Variants in ATP9B observed in about 807,000 individuals in gnomAD.
ATP9B encodes the protein probable phospholipid-transporting ATPase IIB.
A neutral mutation model predicts 146.1 loss-of-function variants in ATP9B; 110 were observed. That is an observed-to-expected ratio of 0.75 (90% CI 0.65 to 0.88). The LOEUF is 0.88. Among genes scored for constraint, ATP9B ranks in the 40% least tolerant of loss-of-function variants. The pLI is 0.00. For synonymous variants in ATP9B, 604 were observed against 569.7 expected, an observed-to-expected ratio of 1.06 and a Z score of -0.86; for missense variants, 1,499 against 1,496.4, an observed-to-expected ratio of 1.00 and a Z score of -0.03.
In ATP9B at chr18:79,113,270, G is replaced by T; in HGVS notation, c.474G>T (p.Leu158Phe). The T allele has an allele frequency of 6.3e-7, 1 of 1,592,732 alleles. No individual in the cohort carries two copies. The highest frequency in any genetic ancestry group is 8.6e-7 in the Non-Finnish European group (1 of 1,165,500). Residue 158 changes from leucine (L) to phenylalanine (F), a missense_variant, in exon 4 of 30, where the codon TTG becomes TTT. Leu to Phe is a conservative substitution (Grantham distance 22). Transcript: ENST00000426216. Reference sequence around the variant, plus strand: ...TGTATGAACAATTCAAGTTTTTCTTGAATCTCTATTTTCTAGTAATATCCT... The same window carrying T: ...TGTATGAACAATTCAAGTTTTTCTTTAATCTCTATTTTCTAGTAATATCCT... ...GVLYEQFKFF[L>F]NLYFLVISCS...
At chr18:79,221,273 G>A (rs2095674203) in intron 11 of ATP9B, among the ~76,000 whole-genome samples, 1 of 152,094 alleles carries the variant, frequency 6.6e-6, no homozygotes, top group South Asian at 2.1e-4. Context: ...CCCACCAGAG[G>A]CTTCATGTCC....
chr18:79,123,760 C>T (rs2094230596), intron 4 of ATP9B, among the ~76,000 whole-genome samples: 1 of 151,998 alleles, frequency 6.6e-6, no homozygotes, highest in African/African-American at 2.4e-5. Flanking sequence ...AGAAATAAAC[C>T]TTTAAATTTA....
At chr18:79,250,435 G>A (rs1330964916) in intron 11 of ATP9B, among the ~76,000 whole-genome samples, 1 of 152,130 alleles carries the variant, frequency 6.6e-6, no homozygotes, top group Non-Finnish European at 1.5e-5. Flanking sequence ...TTTAGGTTGA[G>A]GTAATTGAGT....
At position 79,336,709 on chromosome 18, in the gene ATP9B, G is replaced by T. The variant is rs2096829112; in HGVS notation, c.2110G>T (p.Glu704Ter). The change falls in exon 18 of 30, where the codon GAG becomes TAG. Residue 704 changes from glutamate to a stop codon, truncating the protein, a stop_gained and splice_region_variant. Coordinates refer to ENST00000426216, the MANE Select transcript of ATP9B (RefSeq NM_198531.5). LOFTEE classifies it high-confidence loss of function. ...GACAGAGGAGCAGTACCAGGACTTT[G>T]AGGTGAGCCGACTCCCAGCCATCCC... is the stretch of plus-strand genomic sequence containing the variant. ...ALTEEQYQDF[E>*]SRYTQAKLSM... 3.7e-6 allele frequency: 6 copies of T among 1,613,796 alleles called. No individual in the cohort carries two copies.
intron 14 of ATP9B, among the ~76,000 whole-genome samples, chr18:79,305,687 A>AT (rs1568628660): frequency 6.6e-6 from 1 of 152,372 alleles, no homozygotes; most frequent in East Asian, 1.9e-4. Context: ...ATGAAGCATC[A>AT]TTATATAAAC....
Position 79,329,183 on chromosome 18 carries a change from G to T in ATP9B, c.1816G>T (p.Val606Phe), listed in dbSNP as rs1353351882. ...GACAGAGAGTGTGGGCCTCACGCTG[G>T]TCAGCAGGGACCTCACCTCCATGCA... Reference protein sequence around the residue: ...QWTESVGLTLVSRDLTSMQLK... With the variant: ...QWTESVGLTLFSRDLTSMQLK... Residue 606 changes from valine to phenylalanine, a missense_variant, in exon 16 of 30, where the codon GTC becomes TTC. By Grantham distance (50) the Val-to-Phe change is conservative (BLOSUM62 -1). Coordinates refer to ENST00000426216, the MANE Select transcript of ATP9B (RefSeq NM_198531.5). The T allele has an allele frequency of 1.2e-6, 2 of 1,611,328 alleles. No individual in the cohort carries two copies. The highest frequency in any genetic ancestry group is 2.2e-5 in the South Asian group (2 of 90,620).
At chr18:79,099,209 T>C (rs535298035) in intron 2 of ATP9B, among the ~76,000 whole-genome samples, 1 of 152,230 alleles carries the variant, frequency 6.6e-6, no homozygotes, top group South Asian at 2.1e-4. Context: ...TCTTTTTTCT[T>C]TTCTTTTCTT....
intron 5 of ATP9B, among the ~76,000 whole-genome samples, chr18:79,136,715 A>G (rs1310051968): frequency 6.6e-6 from 1 of 152,012 alleles, no homozygotes; most frequent in African/African-American, 2.4e-5. Flanking sequence ...CACAAGGTCT[A>G]TTCTATTGTG....
At position 79,376,214 on chromosome 18, in the gene ATP9B, C is replaced by CACACACACACACACACACAA; in HGVS notation, c.3307+789_3307+790insCACACACACACACACACAAA. The CACACACACACACACACACAA allele has an allele frequency of 3.1e-4, 272 of 884,642 alleles. 3 individuals are homozygous for CACACACACACACACACACAA. In the Admixed American group the frequency reaches 5.5e-3, roughly 18 times the overall value. The allele number at this position is 884,642 out of a possible 1,614,324, so 54.8% of individuals were successfully genotyped here. ...ACACACACACACACACACACACACACAAAACAAAACAAAAAAATGGCTAGC... is the reference window on the plus strand; with the variant it reads ...ACACACACACACACACACACACACACACACACACACACACACACAAAAAACAAAACAAAAAAATGGCTAGC... On this transcript the variant is annotated intron_variant, in intron 29 of 29. Transcript: ENST00000426216.
chr18:79,348,395 T>C (rs2096903893), intron 25 of ATP9B, among the ~76,000 whole-genome samples, 199 bp downstream of exon 25: 1 of 152,246 alleles, frequency 6.6e-6, no homozygotes, highest in Non-Finnish European at 1.5e-5. Context: ...TCCTGGGATT[T>C]TCTTATTAGA....
chr18:79,332,415 C>A (rs552734071), intron 17 of ATP9B, among the ~76,000 whole-genome samples: 1 of 152,034 alleles, frequency 6.6e-6, no homozygotes, highest in Non-Finnish European at 1.5e-5. Context: ...GGCGACAGAG[C>A]GAGACTCCGT....
intron 15 of ATP9B, among the ~76,000 whole-genome samples, chr18:79,322,993 A>G (rs1263107686): frequency 1.3e-5 from 2 of 152,256 alleles, no homozygotes; most frequent in Non-Finnish European, 2.9e-5. Context: ...GTAATAGTAC[A>G]TACTTATGGG....
At chr18:79,113,188 A>G in intron 3 of ATP9B, 53 bp from the exon 4 acceptor site, 1 of 915,462 alleles carries the variant, frequency 1.1e-6, no homozygotes, top group Non-Finnish European at 1.7e-6. Context: ...TAATTTAGGT[A>G]TTAAAATTTT....
chr18:79,211,656 G>T (rs2095585203), intron 10 of ATP9B, among the ~76,000 whole-genome samples: 1 of 152,150 alleles, frequency 6.6e-6, no homozygotes, highest in African/African-American at 2.4e-5. Context: ...AAGATTAAGT[G>T]CTCCTAAATC....
intron 15 of ATP9B, among the ~76,000 whole-genome samples, chr18:79,327,070 GTCTC>G (rs2096751558): frequency 6.6e-6 from 1 of 152,252 alleles, no homozygotes; most frequent in Non-Finnish European, 1.5e-5. Flanking sequence ...CTTTGCTACA[GTCTC>G]TCTAAGAGTG....
At chr18:79,134,163 T>C (rs1422655999) in intron 5 of ATP9B, among the ~76,000 whole-genome samples, 1 of 152,230 alleles carries the variant, frequency 6.6e-6, no homozygotes, top group Non-Finnish European at 1.5e-5. Context: ...TTTAGTTCTT[T>C]GGATAGGCCT....
intron 26 of ATP9B, chr18:79,361,185 A>T (rs1038290253): frequency 2.0e-5 from 3 of 152,218 alleles, no homozygotes; most frequent in African/African-American, 7.2e-5. Context: ...TAGGACTGTC[A>T]TGCCACAGCC....
intron 15 of ATP9B, among the ~76,000 whole-genome samples, chr18:79,327,538 CGTGCTCTCCGT>C (rs1568697120): frequency 2.5e-5 from 3 of 122,188 alleles, no homozygotes; most frequent in African/African-American, 9.6e-5. Context: ...CCGTGGTTAG[CGTGCTCTCCGT>C]GGTTAGCGTG....
At position 79,305,481 on chromosome 18, in the gene ATP9B, GA is replaced by G. The variant is rs371510699; in HGVS notation, c.1525-1503del. On this transcript the variant is annotated intron_variant, in intron 14 of 29. Transcript: ENST00000426216. ...TTTGGATGTAATTCATTTAGATACG[GA>G]ATATTTGTAACCTAGGATATTTATT... Among the ~76,000 whole-genome samples, 997 of 152,194 alleles carry G rather than the reference GA, an allele frequency of 6.6e-3. 5 individuals are homozygous for G. The highest frequency in any genetic ancestry group is 0.022 in the African/African-American group (932 of 41,524).
Sources: gnomAD v4.1 joint callset for allele counts (sites outside exome capture counted in the v4.1 genomes callset) on GRCh38, gnomAD v4.1.1 for gene constraint, MANE v1.5 for transcripts, NCBI Gene and HGNC (gene_info 2026-07-23, HGNC 2026-07-21) for gene names.